Variants in KDM5A observed in about 807,000 individuals in gnomAD.
KDM5A encodes the protein lysine demethylase 5A.
KDM5A carries 42 observed loss-of-function variants against 193.5 expected under a neutral mutation model. That is an observed-to-expected ratio of 0.22 (90% CI 0.17 to 0.28). The LOEUF is 0.28. KDM5A is among the 10% of genes least tolerant of loss of function. KDM5A has a pLI of 1.00. For synonymous variants in KDM5A, 796 were observed against 718.1 expected, an observed-to-expected ratio of 1.11 and a Z score of -1.73; for missense variants, 1,692 against 2,055.1, an observed-to-expected ratio of 0.82 and a Z score of 3.42.
At chr12:369,778 G>A (rs911639234) in intron 3 of KDM5A, among the ~76,000 whole-genome samples, 2 of 152,166 alleles carry the variant, frequency 1.3e-5, no homozygotes, top group Non-Finnish European at 2.9e-5. Context: ...GGAGGCAACA[G>A]AAGCCCTCTT....
At chr12:317,941 A>G (rs530660252) in intron 19 of KDM5A, among the ~76,000 whole-genome samples, 165 bp downstream of exon 19, 1 of 152,286 alleles carries the variant, frequency 6.6e-6, no homozygotes, top group African/African-American at 2.4e-5. Context: ...TCATCAGGAA[A>G]TACCTTTCCC....
chr12:301,444 C>T (rs1233743364), intron 24 of KDM5A, among the ~76,000 whole-genome samples: 4 of 152,086 alleles, frequency 2.6e-5, no homozygotes, highest in East Asian at 1.9e-4. Flanking sequence ...ATTATTATCT[C>T]GATAGATGCA....
chr12:286,539 T>C (rs77097787), intron 27 of KDM5A, among the ~76,000 whole-genome samples: 2,671 of 152,292 alleles, frequency 0.018, 107 homozygotes, highest in South Asian at 0.16. Flanking sequence ...CTACTCTTCC[T>C]CACCTCAATA....
intron 8 of KDM5A, among the ~76,000 whole-genome samples, chr12:352,798 C>T (rs1944180182): frequency 6.6e-6 from 1 of 152,190 alleles, no homozygotes; most frequent in African/African-American, 2.4e-5. Context: ...TGTCTTAACA[C>T]AAATACTCAC....
intron 6 of KDM5A, 97 bp downstream of exon 6, chr12:356,335 G>C: frequency 1.2e-6 from 1 of 811,552 alleles, no homozygotes; most frequent in Non-Finnish European, 2.1e-6. Context: ...CAATTCTTAA[G>C]AAATTCCCAG....
At position 348,662 on chromosome 12, in the gene KDM5A, T is replaced by C. The variant is rs146957402; in HGVS notation, c.1308+1959A>G. Among the ~76,000 whole-genome samples, 1,487 of 151,154 alleles carry C rather than the reference T, an allele frequency of 9.8e-3. 17 individuals carry two copies. The highest frequency in any genetic ancestry group is 0.034 in the African/African-American group (1,396 of 41,128). Reference sequence around the variant, plus strand: ...CATTCTCAGCAAACTATCACAGGGATAGAAAACCAAAAACCACGTGTTCTC... The same window carrying C: ...CATTCTCAGCAAACTATCACAGGGACAGAAAACCAAAAACCACGTGTTCTC... On this transcript the variant is annotated intron_variant, in intron 10 of 27. Transcript: ENST00000399788.
intron 5 of KDM5A, among the ~76,000 whole-genome samples, chr12:361,786 T>A (rs1038688711): frequency 6.6e-6 from 1 of 152,226 alleles, no homozygotes; most frequent in Admixed American, 6.5e-5. Flanking sequence ...AGGTTATCAC[T>A]TTCCAATGAA....
chr12:321,245 G>A, intron 17 of KDM5A, 136 bp from the exon 18 acceptor site: 3 of 691,626 alleles, frequency 4.3e-6, no homozygotes, highest in Non-Finnish European at 7.9e-6. Context: ...CCACAATGGT[G>A]ACCACTTCAA....
chr12:310,483 A>T (rs1406366304), intron 21 of KDM5A, among the ~76,000 whole-genome samples: 2 of 152,014 alleles, frequency 1.3e-5, no homozygotes, highest in Non-Finnish European at 2.9e-5. Flanking sequence ...AAATACAAAA[A>T]ATTAGCCAGG....
intron 3 of KDM5A, among the ~76,000 whole-genome samples, chr12:380,670 C>T (rs764963012): frequency 1.3e-5 from 2 of 151,896 alleles, no homozygotes; most frequent in Non-Finnish European, 2.9e-5. Context: ...TAGCAGTGAG[C>T]CAAGATTGTG....
intron 10 of KDM5A, among the ~76,000 whole-genome samples, chr12:346,397 T>C (rs970079861): frequency 1.3e-5 from 2 of 152,170 alleles, no homozygotes; most frequent in Non-Finnish European, 2.9e-5. Flanking sequence ...GACGGAATCC[T>C]CCCTAACTCA....
chr12:310,015 A>C, intron 21 of KDM5A, 51 bp from the exon 22 acceptor site: 1 of 1,578,628 alleles, frequency 6.3e-7, no homozygotes, highest in Non-Finnish European at 8.6e-7. Flanking sequence ...AATAATCTTA[A>C]AAGTAAAAAT....
chr12:324,090 T>G (rs1162327794), intron 14 of KDM5A, among the ~76,000 whole-genome samples: 1 of 152,126 alleles, frequency 6.6e-6, no homozygotes, highest in Non-Finnish European at 1.5e-5. Flanking sequence ...AAGGATTGTT[T>G]GAAGCCAGGG....
chr12:374,488 C>A (rs1324846816), intron 3 of KDM5A, among the ~76,000 whole-genome samples: 1 of 152,158 alleles, frequency 6.6e-6, no homozygotes, highest in African/African-American at 2.4e-5. Flanking sequence ...AGATGGGTCT[C>A]CTGAATAAAG....
At chr12:372,654 A>T (rs1329391406) in intron 3 of KDM5A, among the ~76,000 whole-genome samples, 1 of 152,226 alleles carries the variant, frequency 6.6e-6, no homozygotes, top group Non-Finnish European at 1.5e-5. Flanking sequence ...GAGAGAGGGC[A>T]TCCCTGTATT....
chr12:389,032 G>C lies in KDM5A; in HGVS notation c.60C>G (p.Pro20=), dbSNP rs376110446. ...ACTCCTCCCAACTCGGCTCAAAGACGGGGCACTCTGGCGGTGGCACGAACT... is the reference window on the plus strand; with the variant it reads ...ACTCCTCCCAACTCGGCTCAAAGACCGGGCACTCTGGCGGTGGCACGAACT... ...AAEFVPPPEC[P]VFEPSWEEFT... Residue 20 remains proline, a synonymous_variant, in exon 1 of 28, where the codon CCC becomes CCG. Coordinates refer to ENST00000399788, the MANE Select transcript of KDM5A (RefSeq NM_001042603.3). 12 of 1,613,770 alleles carry C rather than the reference G, an allele frequency of 7.4e-6. No individual in the cohort carries two copies. The highest frequency in any genetic ancestry group is 2.2e-5 in the South Asian group (2 of 91,078).
Position 388,930 on chromosome 12 carries a change from G to C in KDM5A, c.162C>G (p.Pro54=), listed in dbSNP as rs544066442. The change falls in exon 1 of 28, where the codon CCC becomes CCG. Residue 54 remains proline (P), a synonymous_variant. Transcript: ENST00000399788. The part of the protein sequence containing the change: ...EKTGICKIRP[P]KDWQPPFACE... Reference sequence around the variant, plus strand: ...CTCTCTTCACAGACTGAGGTACCTTGGGCGGCCGAATTTTGCAGATGCCGG... The same window carrying C: ...CTCTCTTCACAGACTGAGGTACCTTCGGCGGCCGAATTTTGCAGATGCCGG... 1 of 1,614,210 alleles carries C rather than the reference G, an allele frequency of 6.2e-7. No homozygotes were observed. Among genetic ancestry groups the C allele is most frequent in the East Asian group, 2.2e-5 (1 of 44,878 alleles).
intron 5 of KDM5A, among the ~76,000 whole-genome samples, chr12:360,841 G>A (rs1286827785): frequency 1.3e-5 from 2 of 152,146 alleles, no homozygotes; most frequent in Non-Finnish European, 2.9e-5. Context: ...CAGAGTAGGT[G>A]GGAGAGAAAG....
At chr12:333,454 C>T (rs4980885) in intron 12 of KDM5A, 33 bp downstream of exon 12, 457,543 of 1,609,866 alleles carry the variant, frequency 0.28, 67,836 homozygotes, top group East Asian at 0.52. Context: ...AACAAACAAA[C>T]AAACAACTGA....
Sources: gnomAD v4.1 joint callset for allele counts (sites outside exome capture counted in the v4.1 genomes callset) on GRCh38, gnomAD v4.1.1 for gene constraint, MANE v1.5 for transcripts, NCBI Gene and HGNC (gene_info 2026-07-23, HGNC 2026-07-21) for gene names.